CAND2: variants seen among roughly 807,000 people sequenced by gnomAD.
CAND2 encodes cullin associated and neddylation dissociated 2 (putative), also known as cullin-associated NEDD8-dissociated protein 2.
A neutral mutation model predicts 98.9 loss-of-function variants in CAND2; 62 were observed. The ratio of observed to expected loss-of-function variants is 0.63; its 90% CI spans 0.51 to 0.77. CAND2 has a LOEUF of 0.77. Ranked by LOEUF, CAND2 falls within the 30% of genes least tolerant of loss-of-function variation. CAND2 has a pLI of 0.00. For missense variants in CAND2, 1,501 were observed against 1,655.2 expected (o/e 0.91, Z 1.62); for synonymous variants, 770 against 731.9 (o/e 1.05, Z -0.84).
chr3:12,833,017 G>A (rs2062068126), intron 14 of CAND2, among the ~76,000 whole-genome samples: 1 of 152,196 alleles, frequency 6.6e-6, no homozygotes, highest in African/African-American at 2.4e-5. Flanking sequence ...ACTTATAGAT[G>A]GGGAAATGAG....
At position 12,815,273 on chromosome 3, in the gene CAND2, T is replaced by G; in HGVS notation, c.1139T>G (p.Val380Gly). The change falls in exon 8 of 15, where the codon GTG becomes GGG. Residue 380 changes from valine (V) to glycine (G), a missense_variant. Physicochemically the swap from Val to Gly is moderately radical, Grantham distance 109. Coordinates refer to ENST00000456430, the MANE Select transcript of CAND2 (RefSeq NM_001162499.2). This position sits in a 1 kb window ranked among gnomAD's most constrained non-coding sequence, Gnocchi z 5.7. The part of the protein sequence containing the change: ...LPDFHCTLAP[V>G]LIRRFKEREE... ...GATTTCCACTGCACCCTGGCACCTG[T>G]GCTCATCCGCCGCTTCAAAGAACGC... 6.2e-7 allele frequency: 1 copy of G among 1,613,962 alleles called. No individual in the cohort carries two copies. Among genetic ancestry groups the G allele is most frequent in the Admixed American group, 1.7e-5 (1 of 60,026 alleles).
Position 12,810,210 on chromosome 3 carries a change from G to C in CAND2, c.643G>C (p.Ala215Pro). The C allele has an allele frequency of 6.5e-7, 1 of 1,542,870 alleles. No homozygotes were observed. Among genetic ancestry groups the C allele is most frequent in the Non-Finnish European group, 8.7e-7 (1 of 1,148,672 alleles). ...ACSTDLFVEL[A>P]DHLLDRLPGP... Reference sequence around the variant, plus strand: ...CAGCACCGACCTCTTCGTCGAGCTCGCTGACCACCTACTGGACCGGCTGCC... The same window carrying C: ...CAGCACCGACCTCTTCGTCGAGCTCCCTGACCACCTACTGGACCGGCTGCC... The change falls in exon 5 of 15, where the codon GCT becomes CCT. Residue 215 changes from alanine (A) to proline (P), a missense_variant. By Grantham distance (27) the Ala-to-Pro change is conservative. Coordinates refer to ENST00000456430, the MANE Select transcript of CAND2 (RefSeq NM_001162499.2).
intron 4 of CAND2, among the ~76,000 whole-genome samples, chr3:12,809,557 C>G (rs1390516468): frequency 6.6e-6 from 1 of 152,106 alleles, no homozygotes; most frequent in Non-Finnish European, 1.5e-5. Context: ...CTGAGGCAGG[C>G]AGGAGCTGTG....
At chr3:12,803,814 T>C (rs545044430) in intron 2 of CAND2, among the ~76,000 whole-genome samples, 183 bp downstream of exon 2, 1 of 152,128 alleles carries the variant, frequency 6.6e-6, no homozygotes, top group South Asian at 2.1e-4. Flanking sequence ...TCTAAGTTTA[T>C]TTGGGAGGCG....
intron 3 of CAND2, 61 bp from the exon 4 acceptor site, chr3:12,808,146 AGTG>A: frequency 1.3e-6 from 2 of 1,530,664 alleles, no homozygotes; most frequent in Non-Finnish European, 1.8e-6. Context: ...GAGGCAGACT[AGTG>A]GTGGAGGCTG....
chr3:12,831,418 T>C (rs921448949), intron 13 of CAND2, 47 bp from the exon 14 acceptor site: 7 of 1,505,932 alleles, frequency 4.6e-6, no homozygotes, highest in Non-Finnish European at 4.6e-6. Context: ...GCTGCTGCTC[T>C]TGCTCCTGCA....
At chr3:12,804,613 A>C (rs1167487675) in intron 2 of CAND2, among the ~76,000 whole-genome samples, 2 of 152,238 alleles carry the variant, frequency 1.3e-5, no homozygotes, top group Admixed American at 1.3e-4. Context: ...TGTGCAGAGC[A>C]CGTGGGGATG....
At chr3:12,826,846 T>A (rs948555314) in intron 12 of CAND2, among the ~76,000 whole-genome samples, 1 of 150,748 alleles carries the variant, frequency 6.6e-6, no homozygotes, top group Non-Finnish European at 1.5e-5. Context: ...TTTTTTTTTT[T>A]TTGAGATGGA....
At chr3:12,820,609 C>G (rs560741998) in intron 11 of CAND2, among the ~76,000 whole-genome samples, 3 of 152,218 alleles carry the variant, frequency 2.0e-5, no homozygotes, top group Admixed American at 6.5e-5. Context: ...GTGCTCCCCC[C>G]GGCCCCGCCT....
At chr3:12,811,042 T>C (rs566333321) in intron 5 of CAND2, among the ~76,000 whole-genome samples, 12 of 152,280 alleles carry the variant, frequency 7.9e-5, no homozygotes, top group African/African-American at 2.4e-5. Flanking sequence ...CAAGACAGTT[T>C]GGATAGAACT....
intron 1 of CAND2, among the ~76,000 whole-genome samples, chr3:12,798,989 C>T (rs2061746779): frequency 6.6e-6 from 1 of 152,264 alleles, no homozygotes; most frequent in South Asian, 2.1e-4. Flanking sequence ...CTTCCTGGGC[C>T]CTGGCTTTAT....
intron 12 of CAND2, 39 bp from the exon 13 acceptor site, chr3:12,827,401 A>T: frequency 6.3e-7 from 1 of 1,584,148 alleles, no homozygotes; most frequent in Admixed American, 1.7e-5. Context: ...GTGTCCTTAC[A>T]CCCTGGGGCC....
Position 12,817,018 on chromosome 3 carries a change from C to T in CAND2, c.2086C>T (p.Leu696=). ...CCCACCGTCTGCCGTGCAGGCCGTGCTGGCTGAGCTGCCTGCCCTGGTCAA... is the reference window on the plus strand; with the variant it reads ...CCCACCGTCTGCCGTGCAGGCCGTGTTGGCTGAGCTGCCTGCCCTGGTCAA... ...SLPPSAVQAV[L]AELPALVNES... Residue 696 remains leucine, a synonymous_variant, in exon 10 of 15, where the codon CTG becomes TTG. Transcript: ENST00000456430. 6.2e-7 allele frequency: 1 copy of T among 1,613,036 alleles called. No homozygotes were observed.
At chr3:12,803,824 G>A (rs575391794) in intron 2 of CAND2, among the ~76,000 whole-genome samples, 193 bp downstream of exon 2, 5 of 152,160 alleles carry the variant, frequency 3.3e-5, no homozygotes, top group African/African-American at 7.2e-5. Context: ...TTTGGGAGGC[G>A]CTCCCAGGAA....
chr3:12,826,098 CG>C (rs1217115192), intron 12 of CAND2, among the ~76,000 whole-genome samples: 2 of 152,132 alleles, frequency 1.3e-5, no homozygotes, highest in African/African-American at 2.4e-5. Context: ...AGACAGCCCC[CG>C]CCTTACAATG....
At chr3:12,799,035 C>T (rs1451521591) in intron 1 of CAND2, among the ~76,000 whole-genome samples, 2 of 152,168 alleles carry the variant, frequency 1.3e-5, no homozygotes, top group Admixed American at 1.3e-4. Flanking sequence ...GAGGCTCCAG[C>T]AGTCAAAACG....
Position 12,834,097 on chromosome 3 carries a change from G to C in CAND2, c.*115G>C, listed in dbSNP as rs1371681423. 1 of 817,858 alleles carries C rather than the reference G, an allele frequency of 1.2e-6. No homozygotes were observed. The highest frequency in any genetic ancestry group is 2.0e-6 in the Non-Finnish European group (1 of 511,014). The allele number at this position is 817,858 out of a possible 1,614,324, so 50.7% of individuals were successfully genotyped here. On this transcript the variant is annotated 3_prime_UTR_variant, in exon 15 of 15. Transcript: ENST00000456430. Reference sequence around the variant, plus strand: ...TTTTGCCCTTCCACCATCTCACTGGGGGCCCTGTCGCTCCTGGTCAGGGCT... The same window carrying C: ...TTTTGCCCTTCCACCATCTCACTGGCGGCCCTGTCGCTCCTGGTCAGGGCT...
chr3:12,826,786 A>C (rs1050313428), intron 12 of CAND2, among the ~76,000 whole-genome samples: 1 of 102,634 alleles, frequency 9.7e-6, no homozygotes, highest in South Asian at 3.0e-4. Flanking sequence ...AACCTGCCCA[A>C]CTCAGTTTCC....
In CAND2 at chr3:12,833,766, T is replaced by A; in HGVS notation, c.3495T>A (p.Gly1165=). Reference sequence around the variant, plus strand: ...GTTTCCTACTTTAGGTCAAAGCTGGTTCTGTGAAGCAGGAGTTTGAAAAGC... The same window carrying A: ...GTTTCCTACTTTAGGTCAAAGCTGGATCTGTGAAGCAGGAGTTTGAAAAGC... ...RATCTAKVKA[G]SVKQEFEKQD... is the part of the protein sequence containing the mutation. The change falls in exon 15 of 15, where the codon GGT becomes GGA. Residue 1165 remains glycine (G), a synonymous_variant. Transcript: ENST00000456430. The A allele has an allele frequency of 1.2e-6, 2 of 1,613,844 alleles. No homozygotes were observed. Among genetic ancestry groups the A allele is most frequent in the Non-Finnish European group, 1.7e-6 (2 of 1,179,754 alleles).
Sources: allele counts gnomAD v4.1 joint callset (sites outside exome capture counted in the v4.1 genomes callset), GRCh38; gene constraint gnomAD v4.1.1; non-coding constraint Gnocchi (gnomAD v3.1); transcripts MANE v1.5; gene names NCBI Gene and HGNC (gene_info 2026-07-23, HGNC 2026-07-21).